Variants in CSMD3 observed in about 807,000 individuals in gnomAD.
CSMD3 encodes the protein CUB and Sushi multiple domains 3.
Under a neutral mutation model 435.2 loss-of-function variants are expected in CSMD3, and 177 were observed. That is an observed-to-expected ratio of 0.41 (90% CI 0.36 to 0.46). The LOEUF is 0.46. CSMD3 is among the 20% of genes least tolerant of loss of function. The pLI is 0.34. For synonymous variants in CSMD3, 1,656 were observed against 1,520.5 expected (o/e 1.09, Z -2.07); for missense variants, 4,265 against 4,504.6 (o/e 0.95, Z 1.52).
chr8:112,414,341 C>T lies in CSMD3; in HGVS notation c.5396-5309G>A, dbSNP rs1185989054. ...GTTCTCATGATAGTGAATGAGTTCT[C>T]ATGAAATATGATGGCTTTATAAGCA... is the stretch of plus-strand genomic sequence containing the variant. On this transcript the variant is annotated intron_variant, in intron 32 of 70. Coordinates refer to ENST00000297405, the MANE Select transcript of CSMD3 (RefSeq NM_198123.2). 2.0e-5 allele frequency among the ~76,000 whole-genome samples: 3 copies of T among 152,172 alleles called. No individual in the cohort carries two copies. The East Asian group carries it at 5.8e-4, about 30-fold the overall frequency.
Position 112,341,457 on chromosome 8 carries a change from T to A in CSMD3, c.6652+20A>T. 1 of 1,503,586 alleles carries A rather than the reference T, an allele frequency of 6.7e-7. No homozygotes were observed. The highest frequency in any genetic ancestry group is 1.7e-5 in the Admixed American group (1 of 59,718). 93.1% of individuals were successfully genotyped at this position (1,503,586 alleles called of 1,614,324 possible). On this transcript the variant is annotated intron_variant, in intron 42 of 70. Transcript: ENST00000297405. ...TGATTTGGGGTTATATAAATTTTCA[T>A]TTTTTATTATTTCTCTTACCTTGGT...
intron 22 of CSMD3, among the ~76,000 whole-genome samples, chr8:112,635,376 C>A (rs2074628823): frequency 6.6e-6 from 1 of 152,008 alleles, no homozygotes. Context: ...CTCTGTAGCC[C>A]TCACTTGGAC....
intron 32 of CSMD3, among the ~76,000 whole-genome samples, chr8:112,426,048 T>C (rs1240007283): frequency 6.6e-6 from 1 of 152,176 alleles, no homozygotes; most frequent in Non-Finnish European, 1.5e-5. Context: ...TTACAATTAC[T>C]GTTCCATCAT....
intron 1 of CSMD3, among the ~76,000 whole-genome samples, chr8:113,364,436 G>C (rs2094298254): frequency 6.6e-6 from 1 of 151,898 alleles, no homozygotes; most frequent in Non-Finnish European, 1.5e-5. Flanking sequence ...TTTGAATGTG[G>C]AAATGAAATG....
chr8:112,590,846 T>C (rs1181250056), intron 22 of CSMD3, among the ~76,000 whole-genome samples: 1 of 152,084 alleles, frequency 6.6e-6, no homozygotes, highest in Non-Finnish European at 1.5e-5. Flanking sequence ...ATCTTGTTTC[T>C]CTCATGTCTT....
intron 4 of CSMD3, among the ~76,000 whole-genome samples, chr8:113,152,184 C>T (rs2091822796): frequency 6.6e-6 from 1 of 151,860 alleles, no homozygotes; most frequent in Non-Finnish European, 1.5e-5. Flanking sequence ...ATGTTTCATC[C>T]AAGATTGTGA....
chr8:112,968,945 G>A (rs536464328), intron 7 of CSMD3, among the ~76,000 whole-genome samples: 45 of 152,026 alleles, frequency 3.0e-4, no homozygotes, highest in Non-Finnish European at 6.0e-4. Flanking sequence ...CTTTATAAAA[G>A]TCTTAATACA....
At chr8:112,460,251 A>T (rs1217543333) in intron 32 of CSMD3, among the ~76,000 whole-genome samples, 1 of 152,116 alleles carries the variant, frequency 6.6e-6, no homozygotes, top group Non-Finnish European at 1.5e-5. Flanking sequence ...TAAATAATTG[A>T]GCAAATTAGT....
At chr8:112,983,351 T>C (rs748819024) in intron 6 of CSMD3, among the ~76,000 whole-genome samples, 5 of 151,770 alleles carry the variant, frequency 3.3e-5, no homozygotes, top group Non-Finnish European at 7.4e-5. Context: ...TTTTCATTAA[T>C]TGTAGATGTT....
At chr8:112,448,308 A>G (rs1352770007) in intron 32 of CSMD3, among the ~76,000 whole-genome samples, 1 of 152,096 alleles carries the variant, frequency 6.6e-6, no homozygotes, top group Non-Finnish European at 1.5e-5. Context: ...TCACCTCTTT[A>G]AAGGCCCTAT....
chr8:112,466,059 T>C (rs945882925), intron 32 of CSMD3, among the ~76,000 whole-genome samples: 9 of 152,074 alleles, frequency 5.9e-5, no homozygotes, highest in South Asian at 4.2e-4. Context: ...AAGTTTTGAA[T>C]AAACACACAT....
Position 112,287,188 on chromosome 8 carries a change from T to G in CSMD3, c.9207A>C (p.Glu3069Asp). The change falls in exon 58 of 71, where the codon GAA (glutamate) becomes GAC (aspartate). Residue 3069 changes from glutamate (E) to aspartate (D), a missense_variant. Physicochemically the swap from Glu to Asp is conservative, Grantham distance 45. This residue lies in a region of CSMD3 where 3,255 missense variants were observed against 3,380.2 expected (regional missense o/e 0.96). Coordinates refer to ENST00000297405, the MANE Select transcript of CSMD3 (RefSeq NM_198123.2). ...CAGTACTTTTAGTTCTGAAATTGCT[T>G]TCCTGTCTAGAGCCATGGCCGGGAG... ...PGTPGHGSRQ[E>D]SNFRTKSTVR... 1 of 1,613,764 alleles carries G rather than the reference T, an allele frequency of 6.2e-7. No individual in the cohort carries two copies. Among genetic ancestry groups the G allele is most frequent in the South Asian group, 1.1e-5 (1 of 91,082 alleles).
rs1008306073 is a variant in CSMD3 at position 113,373,898 on chromosome 8, G to A, written c.179-59105C>T. The stretch of plus-strand genomic sequence containing the variant: ...CCATATTCTTTATATCTCAATTTCA[G>A]TAAATGTATATGAAAGAACTACATG... On this transcript the variant is annotated intron_variant, in intron 1 of 70. Transcript: ENST00000297405. 2.0e-5 allele frequency among the ~76,000 whole-genome samples: 3 copies of A among 151,988 alleles called. No homozygotes were observed. In the East Asian group the frequency reaches 5.8e-4, roughly 29 times the overall value.
At chr8:112,855,336 C>T (rs531112103) in intron 11 of CSMD3, among the ~76,000 whole-genome samples, 24 of 152,160 alleles carry the variant, frequency 1.6e-4, no homozygotes, top group Admixed American at 2.6e-4. Context: ...CTGCAAAGGA[C>T]GCAATTTCTA....
chr8:112,548,198 T>C (rs1186379861), intron 27 of CSMD3, among the ~76,000 whole-genome samples: 1 of 152,196 alleles, frequency 6.6e-6, no homozygotes, highest in Non-Finnish European at 1.5e-5. Context: ...AGGGCATCTG[T>C]CCCTTTCAGA....
At chr8:112,965,240 TTC>T (rs578034318) in intron 7 of CSMD3, among the ~76,000 whole-genome samples, 77 of 152,000 alleles carry the variant, frequency 5.1e-4, no homozygotes, top group Non-Finnish European at 1.0e-3. Context: ...GACGATCTCA[TTC>T]ACAGGTAAAA....
intron 13 of CSMD3, among the ~76,000 whole-genome samples, chr8:112,778,503 C>G (rs1284644607): frequency 6.6e-6 from 1 of 151,878 alleles, no homozygotes; most frequent in Non-Finnish European, 1.5e-5. Context: ...TAGTAAAATG[C>G]TTCTAAGTAT....
chr8:112,802,640 A>C (rs2078986128), intron 12 of CSMD3, among the ~76,000 whole-genome samples: 1 of 151,806 alleles, frequency 6.6e-6, no homozygotes, highest in Non-Finnish European at 1.5e-5. Flanking sequence ...AGCTGGCAAA[A>C]GATTTTATTT....
chr8:113,186,621 G>A (rs539597533), intron 3 of CSMD3, among the ~76,000 whole-genome samples: 1 of 152,032 alleles, frequency 6.6e-6, no homozygotes, highest in Admixed American at 6.6e-5. Flanking sequence ...CCTTCTCCAG[G>A]TAGAACGACC....
Sources: gnomAD v4.1 joint callset for allele counts (sites outside exome capture counted in the v4.1 genomes callset) on GRCh38, gnomAD v4.1.1 for gene constraint, gnomAD v4.1.1 regional missense constraint, MANE v1.5 for transcripts, NCBI Gene and HGNC (gene_info 2026-07-23, HGNC 2026-07-21) for gene names.